The following CSGALNACT1 variants were observed in gnomAD, a reference collection of about 807,000 sequenced individuals.
CSGALNACT1 encodes the protein beta4GalNAcT-1.
CSGALNACT1 carries 52 observed loss-of-function variants against 51.0 expected under a neutral mutation model. The ratio of observed to expected loss-of-function variants is 1.02; its 90% CI spans 0.82 to 1.29. The LOEUF (loss-of-function observed/expected upper bound fraction) is 1.29. Among genes scored for constraint, CSGALNACT1 ranks in the 50% most tolerant of loss-of-function variants. The pLI is 0.00. For missense variants in CSGALNACT1, 935 were observed against 679.2 expected (o/e 1.38, Z -4.19); for synonymous variants, 341 against 254.4 (o/e 1.34, Z -3.24).
At chr8:19,639,882 T>G (rs2056537437) in intron 1 of CSGALNACT1, among the ~76,000 whole-genome samples, 1 of 151,936 alleles carries the variant, frequency 6.6e-6, no homozygotes, top group South Asian at 2.1e-4. Context: ...TTTTGTTTTG[T>G]TTTTGTTTGT....
intron 3 of CSGALNACT1, among the ~76,000 whole-genome samples, chr8:19,521,822 A>T (rs2080787054): frequency 6.6e-6 from 1 of 152,180 alleles, no homozygotes; most frequent in Non-Finnish European, 1.5e-5. Context: ...GCAGGAATGG[A>T]AGATAAGAGA....
chr8:19,722,732 A>C (rs538362692), intron 1 of CSGALNACT1, among the ~76,000 whole-genome samples: 27 of 152,204 alleles, frequency 1.8e-4, no homozygotes, highest in Non-Finnish European at 2.9e-4. Context: ...TCCCTCGGAG[A>C]GACTCACATT....
chr8:19,410,177 G>C (rs1211960217), intron 8 of CSGALNACT1, among the ~76,000 whole-genome samples: 1 of 152,212 alleles, frequency 6.6e-6, no homozygotes, highest in Admixed American at 6.5e-5. Flanking sequence ...CTCAAGGAAA[G>C]TAGAACCAAG....
intron 1 of CSGALNACT1, among the ~76,000 whole-genome samples, chr8:19,680,493 T>C (rs986670603): frequency 6.8e-6 from 1 of 147,070 alleles, no homozygotes; most frequent in Non-Finnish European, 1.5e-5. Context: ...GAGGTGGAGG[T>C]TGCAGTCAGC....
At chr8:19,533,983 C>G (rs752999344) in intron 3 of CSGALNACT1, among the ~76,000 whole-genome samples, 7 of 152,090 alleles carry the variant, frequency 4.6e-5, no homozygotes, top group Admixed American at 1.3e-4. Context: ...ACCTTCCCCC[C>G]ATGCCAAATC....
At chr8:19,568,734 G>A (rs1005653915) in intron 3 of CSGALNACT1, among the ~76,000 whole-genome samples, 1 of 152,144 alleles carries the variant, frequency 6.6e-6, no homozygotes, top group Non-Finnish European at 1.5e-5. Context: ...CAGATATATG[G>A]TGCCAATACA....
chr8:19,473,941 A>G (rs1270428117), intron 4 of CSGALNACT1, among the ~76,000 whole-genome samples: 1 of 152,256 alleles, frequency 6.6e-6, no homozygotes, highest in Admixed American at 6.5e-5. Flanking sequence ...CTATGCCAGT[A>G]GAAACTGGTA....
At chr8:19,726,656 G>A (rs2063418154) in intron 1 of CSGALNACT1, among the ~76,000 whole-genome samples, 1 of 152,056 alleles carries the variant, frequency 6.6e-6, no homozygotes, top group African/African-American at 2.4e-5. Flanking sequence ...TAGTCACCAT[G>A]TACAAATATT....
At chr8:19,715,523 C>T (rs1168341130) in intron 1 of CSGALNACT1, among the ~76,000 whole-genome samples, 1 of 152,160 alleles carries the variant, frequency 6.6e-6, no homozygotes, top group Non-Finnish European at 1.5e-5. Flanking sequence ...TTTATCCAGT[C>T]TACTGTTGAT....
At chr8:19,595,632 C>T (rs1431252849) in intron 2 of CSGALNACT1, among the ~76,000 whole-genome samples, 1 of 151,730 alleles carries the variant, frequency 6.6e-6, no homozygotes, top group Non-Finnish European at 1.5e-5. Context: ...AAAAAAAAAT[C>T]TGGCCAGACA....
At chr8:19,447,412 T>C (rs964045025) in intron 5 of CSGALNACT1, among the ~76,000 whole-genome samples, 5 of 152,290 alleles carry the variant, frequency 3.3e-5, no homozygotes, top group Non-Finnish European at 7.4e-5. Flanking sequence ...ACAGATAGAA[T>C]GGGCAGATAT....
intron 3 of CSGALNACT1, among the ~76,000 whole-genome samples, chr8:19,533,816 A>G (rs996938589): frequency 1.3e-5 from 2 of 152,140 alleles, no homozygotes; most frequent in African/African-American, 4.8e-5. Flanking sequence ...TTTCTCCAAA[A>G]CATATGCAGT....
intron 1 of CSGALNACT1, among the ~76,000 whole-genome samples, chr8:19,715,877 C>T (rs1485398282): frequency 2.3e-4 from 35 of 152,130 alleles, no homozygotes; most frequent in Non-Finnish European, 5.1e-4. Context: ...GTGTTCAGGG[C>T]AAGGGCTGAT....
At chr8:19,724,669 C>G (rs1378456865) in intron 1 of CSGALNACT1, among the ~76,000 whole-genome samples, 7 of 152,222 alleles carry the variant, frequency 4.6e-5, no homozygotes, top group Non-Finnish European at 1.0e-4. Flanking sequence ...CTGTTGCACC[C>G]TCAGCTAATA....
chr8:19,420,428 C>CT lies in CSGALNACT1; in HGVS notation c.1043dup (p.Ser350LysfsTer9), dbSNP rs748831332. On this transcript the variant is annotated frameshift_variant, in exon 7 of 10. Transcript: ENST00000454498. LOFTEE classifies it high-confidence loss of function. ...AGAAAAAGAGAAGGACGTTGCTTCCCTTCCAGAAGCGGGCTCCAACATCAA... is the reference window on the plus strand; with the variant it reads ...AGAAAAAGAGAAGGACGTTGCTTCCCTTTCCAGAAGCGGGCTCCAACATCAA... 66 of 1,614,092 alleles carry CT rather than the reference C, an allele frequency of 4.1e-5. No homozygotes were observed. The highest frequency in any genetic ancestry group is 4.9e-5 in the Non-Finnish European group (58 of 1,180,030).
At chr8:19,692,292 G>T (rs1419390275) in intron 1 of CSGALNACT1, among the ~76,000 whole-genome samples, 3 of 152,178 alleles carry the variant, frequency 2.0e-5, no homozygotes, top group Non-Finnish European at 2.9e-5. Flanking sequence ...TTAAGGGGCT[G>T]GGAGAGCCTC....
At chr8:19,581,813 G>A (rs959248990) in intron 3 of CSGALNACT1, among the ~76,000 whole-genome samples, 111 of 152,286 alleles carry the variant, frequency 7.3e-4, no homozygotes, top group African/African-American at 2.6e-3. Flanking sequence ...ATCTTGATAT[G>A]GTTACATTAG....
chr8:19,679,973 T>C (rs772595471), intron 1 of CSGALNACT1, among the ~76,000 whole-genome samples: 14 of 152,184 alleles, frequency 9.2e-5, no homozygotes, highest in Admixed American at 2.0e-4. Flanking sequence ...CAGGTTATAA[T>C]GGACAAAGCA....
chr8:19,416,558 T>G (rs1314218098), intron 8 of CSGALNACT1, among the ~76,000 whole-genome samples: 1 of 152,222 alleles, frequency 6.6e-6, no homozygotes, highest in Non-Finnish European at 1.5e-5. Context: ...TAGTCCTGTA[T>G]TACAAGCTCC....
Sources: gnomAD v4.1 joint callset for allele counts (sites outside exome capture counted in the v4.1 genomes callset) on GRCh38, gnomAD v4.1.1 for gene constraint, MANE v1.5 for transcripts, NCBI Gene and HGNC (gene_info 2026-07-23, HGNC 2026-07-21) for gene names.